Variants in HIPK3 observed in about 807,000 individuals in gnomAD.
HIPK3 encodes the protein homeodomain-interacting protein kinase 3.
In HIPK3, 47 loss-of-function variants were observed where a neutral mutation model predicts 124.2. The observed-to-expected ratio is 0.38, with a 90% confidence interval of 0.30 to 0.48. The LOEUF (loss-of-function observed/expected upper bound fraction) is 0.48. Ranked by LOEUF, HIPK3 falls within the 20% of genes least tolerant of loss-of-function variation. The pLI, the probability that HIPK3 is intolerant of heterozygous loss-of-function variation, is 0.98. For synonymous variants in HIPK3, 482 were observed against 515.2 expected (o/e 0.94, Z 0.87); for missense variants, 1,286 against 1,454.3 (o/e 0.88, Z 1.88).
rs1486157178 is a variant in HIPK3 at position 33,261,230 on chromosome 11, T to C, written c.-3+3341T>C. ...GTATTTTTTTTTCTTTTTAAACTTT[T>C]AGGTTCAGGGGAGCATGTGCAGGTT... On this transcript the variant is annotated intron_variant, in intron 1 of 16. Transcript: ENST00000303296. Among the ~76,000 whole-genome samples the C allele has an allele frequency of 2.0e-5, 3 of 149,860 alleles. No individual in the cohort carries two copies. In the East Asian group the frequency reaches 5.8e-4, roughly 29 times the overall value.
In HIPK3 at chr11:33,287,455, G is replaced by T. The variant is rs763706234; in HGVS notation, c.1041G>T (p.Ser347=). ...GGGTTAAAGTAATAGACTTTGGGTC[G>T]GCCAGTCATGTATCAAAGACTGTTT... is the stretch of plus-strand genomic sequence containing the variant. ...PYRVKVIDFG[S]ASHVSKTVCS... is the part of the protein sequence containing the mutation. Residue 347 remains serine, a synonymous_variant, in exon 2 of 17, where the codon TCG becomes TCT. Transcript: ENST00000303296. 1.2e-6 allele frequency: 2 copies of T among 1,613,876 alleles called. No individual in the cohort carries two copies. Among genetic ancestry groups the T allele is most frequent in the South Asian group, 1.1e-5 (1 of 91,058 alleles).
At chr11:33,337,005 C>T (rs1175926359) in intron 3 of HIPK3, 70 bp from the exon 4 acceptor site, 11 of 1,112,384 alleles carry the variant, frequency 9.9e-6, no homozygotes, top group South Asian at 1.5e-5. Context: ...TAACATATAG[C>T]CTAGTGTCTG....
At chr11:33,322,915 C>A (rs1590400172) in intron 2 of HIPK3, among the ~76,000 whole-genome samples, 1 of 152,196 alleles carries the variant, frequency 6.6e-6, no homozygotes, top group South Asian at 2.1e-4. Flanking sequence ...TAGGCCAGTT[C>A]TGTCTGAGGC....
chr11:33,304,324 G>A (rs945102613), intron 2 of HIPK3, among the ~76,000 whole-genome samples: 1 of 152,228 alleles, frequency 6.6e-6, no homozygotes, highest in Non-Finnish European at 1.5e-5. Flanking sequence ...TTGGGAAGCC[G>A]AGGCGGGTGA....
At chr11:33,295,311 A>G (rs1318433678) in intron 2 of HIPK3, among the ~76,000 whole-genome samples, 1 of 12,796 alleles carries the variant, frequency 7.8e-5, no homozygotes, top group African/African-American at 3.1e-4. Context: ...ATCCCCGCCC[A>G]TGGCATCCGA....
chr11:33,298,371 C>T (rs1323070005), intron 2 of HIPK3, among the ~76,000 whole-genome samples: 1 of 152,162 alleles, frequency 6.6e-6, no homozygotes, highest in Non-Finnish European at 1.5e-5. Context: ...ACCTGGTTAC[C>T]CAAGAGCTCT....
At chr11:33,290,184 A>G (rs896119620) in intron 2 of HIPK3, among the ~76,000 whole-genome samples, 1 of 152,136 alleles carries the variant, frequency 6.6e-6, no homozygotes, top group Non-Finnish European at 1.5e-5. Flanking sequence ...TCTTGATTGT[A>G]TGGGTTTTAG....
intron 1 of HIPK3, among the ~76,000 whole-genome samples, chr11:33,262,865 T>G (rs768507746): frequency 6.6e-6 from 1 of 152,204 alleles, no homozygotes; most frequent in Non-Finnish European, 1.5e-5. Flanking sequence ...TGGCCTGGGC[T>G]GGAGTATAGT....
At chr11:33,303,075 AAG>A (rs1852051191) in intron 2 of HIPK3, among the ~76,000 whole-genome samples, 1 of 152,196 alleles carries the variant, frequency 6.6e-6, no homozygotes, top group Non-Finnish European at 1.5e-5. Flanking sequence ...GACTGTATTT[AAG>A]AATTGTTTAT....
chr11:33,284,442 A>G (rs1298928926), intron 1 of HIPK3, among the ~76,000 whole-genome samples: 1 of 152,228 alleles, frequency 6.6e-6, no homozygotes, highest in Non-Finnish European at 1.5e-5. Flanking sequence ...GAAAGGCTTC[A>G]GCAAGAAGAT....
chr11:33,326,088 A>G (rs1852803657), intron 2 of HIPK3, among the ~76,000 whole-genome samples: 1 of 152,226 alleles, frequency 6.6e-6, no homozygotes, highest in Admixed American at 6.5e-5. Flanking sequence ...TTCACTGGAC[A>G]GATCCCAAGT....
At chr11:33,311,485 T>G (rs1245028243) in intron 2 of HIPK3, among the ~76,000 whole-genome samples, 2 of 152,158 alleles carry the variant, frequency 1.3e-5, no homozygotes, top group Non-Finnish European at 2.9e-5. Context: ...TGGCCTTTTT[T>G]GTTTGTTTGT....
In HIPK3 at chr11:33,339,357, C is replaced by T. The variant is rs1853261044; in HGVS notation, c.1436C>T (p.Thr479Ile). 1.2e-6 allele frequency: 2 copies of T among 1,611,396 alleles called. No homozygotes were observed. The highest frequency in any genetic ancestry group is 4.5e-5 in the East Asian group (2 of 44,786). The change falls in exon 6 of 17, where the codon ACA becomes ATA. Residue 479 changes from threonine to isoleucine, a missense_variant. Coordinates refer to ENST00000303296, the MANE Select transcript of HIPK3 (RefSeq NM_005734.5). ...AAATTTTGATTTTCTTAGGTGAACA[C>T]AGTGATGGATTTGGAAGGAAGTGAT... is the stretch of plus-strand genomic sequence containing the variant. ...NSLDDVAHVN[T>I]VMDLEGSDLL...
At chr11:33,273,321 G>A (rs900692888) in intron 1 of HIPK3, among the ~76,000 whole-genome samples, 5 of 151,928 alleles carry the variant, frequency 3.3e-5, no homozygotes, top group Admixed American at 1.3e-4. Flanking sequence ...TGGCTAACAC[G>A]GTGAAACCCC....
At chr11:33,274,883 G>C (rs1289636559) in intron 1 of HIPK3, among the ~76,000 whole-genome samples, 1 of 152,092 alleles carries the variant, frequency 6.6e-6, no homozygotes, top group Non-Finnish European at 1.5e-5. Context: ...TTGTGTTATA[G>C]TCAACACATT....
chr11:33,289,452 TAA>T lies in HIPK3; in HGVS notation c.1097+1943_1097+1944del, dbSNP rs564817734. ...CGAGTGAGACCCTCTGAAAAAAAAA[TAA>T]AGTGTGTATTAGGAATTAGAAATAA... On this transcript the variant is annotated intron_variant, in intron 2 of 16. Coordinates refer to ENST00000303296, the MANE Select transcript of HIPK3 (RefSeq NM_005734.5). 1.8e-4 allele frequency among the ~76,000 whole-genome samples: 27 copies of T among 152,016 alleles called. No homozygotes were observed. In the South Asian group the frequency reaches 5.6e-3, roughly 32 times the overall value.
chr11:33,340,214 G>T (rs1178301703), intron 6 of HIPK3, among the ~76,000 whole-genome samples: 1 of 152,192 alleles, frequency 6.6e-6, no homozygotes, highest in African/African-American at 2.4e-5. Context: ...CTCCTGAGTA[G>T]CTGGGACTAC....
chr11:33,272,120 G>A (rs1851140592), intron 1 of HIPK3, among the ~76,000 whole-genome samples: 1 of 152,130 alleles, frequency 6.6e-6, no homozygotes, highest in Non-Finnish European at 1.5e-5. Flanking sequence ...TGTCGTGGCC[G>A]GGTGCAGTGG....
intron 2 of HIPK3, among the ~76,000 whole-genome samples, chr11:33,323,443 A>G (rs266496): frequency 0.022 from 3,330 of 152,210 alleles, 67 homozygotes; most frequent in African/African-American, 0.05. Context: ...GAGTTTTACC[A>G]TGTTGGCCAG....
Sources: allele counts gnomAD v4.1 joint callset (sites outside exome capture counted in the v4.1 genomes callset), GRCh38; gene constraint gnomAD v4.1.1; transcripts MANE v1.5; gene names NCBI Gene and HGNC (gene_info 2026-07-23, HGNC 2026-07-21).